The following BICD1 variants were observed in gnomAD, a reference collection of about 807,000 sequenced individuals.
The protein encoded by BICD1 is BICD cargo adaptor 1.
In BICD1, 35 loss-of-function variants were observed where a neutral mutation model predicts 92.5. That is an observed-to-expected ratio of 0.38 (90% CI 0.29 to 0.50). The LOEUF (loss-of-function observed/expected upper bound fraction) is 0.50, where lower values mean the gene tolerates loss of function less well. Ranked by LOEUF, BICD1 falls within the 20% of genes least tolerant of loss-of-function variation. The pLI is 0.93. For missense variants in BICD1, 950 were observed against 1,189.8 expected (o/e 0.80, Z 2.97); for synonymous variants, 429 against 465.1 (o/e 0.92, Z 1.00).
intron 8 of BICD1, among the ~76,000 whole-genome samples, chr12:32,356,640 A>G (rs935993239): frequency 2.6e-5 from 4 of 152,152 alleles, no homozygotes; most frequent in Admixed American, 1.3e-4. Flanking sequence ...CTCAAAAAAA[A>G]AAGAAAGAAG....
intron 4 of BICD1, among the ~76,000 whole-genome samples, chr12:32,312,940 C>A (rs1236168846): frequency 6.6e-6 from 1 of 152,052 alleles, no homozygotes; most frequent in Admixed American, 6.6e-5. Flanking sequence ...CAGTCAAATA[C>A]CTTAATTAGT....
rs943398314 is a variant in BICD1, at chr12:32,332,837, A to C, written c.2101-1679A>C. On this transcript the variant is annotated intron_variant, in intron 5 of 9. Coordinates refer to ENST00000652176, the MANE Select transcript of BICD1 (RefSeq NM_001714.4). ...ATAATATATTCAGGGAATGCTCACA[A>C]AGGCCTATGTGGCTGGAAATAAGAC... 6 of 982,694 alleles carry C rather than the reference A, an allele frequency of 6.1e-6. 1 individual carries two copies. The Admixed American group carries it at 3.1e-4, about 50-fold the overall frequency. 60.9% of individuals were successfully genotyped at this position (982,694 alleles called of 1,614,324 possible).
chr12:32,184,723 G>A (rs1293267500), intron 1 of BICD1, among the ~76,000 whole-genome samples: 2 of 152,172 alleles, frequency 1.3e-5, no homozygotes, highest in African/African-American at 4.8e-5. Flanking sequence ...AAAGGTGGAT[G>A]AATTACAACT....
chr12:32,333,069 C>T (rs1937949469), intron 5 of BICD1: 1 of 984,770 alleles, frequency 1.0e-6, no homozygotes, highest in African/African-American at 1.7e-5. Context: ...TGTTTCAGAT[C>T]TAGCTCTTCT....
intron 1 of BICD1, among the ~76,000 whole-genome samples, chr12:32,174,008 T>C (rs1490749641): frequency 1.3e-5 from 2 of 152,218 alleles, no homozygotes; most frequent in Non-Finnish European, 1.5e-5. Flanking sequence ...CTTGAACATA[T>C]TGTAATCTTG....
At chr12:32,252,019 T>TATATATTTATAATAAAA (rs1946540367) in intron 2 of BICD1, among the ~76,000 whole-genome samples, 1 of 109,588 alleles carries the variant, frequency 9.1e-6, no homozygotes, top group African/African-American at 3.3e-5. Flanking sequence ...TTATAATAAA[T>TATATATTTATAATAAAA]ATCATATATT....
chr12:32,186,931 G>A lies in BICD1; in HGVS notation c.214-29316G>A, dbSNP rs1052919790. ...GAGTGATATAATGGAAAGAACACTGGATTAGGAGCCAGAATATCTGGGTTA... is the reference window on the plus strand; with the variant it reads ...GAGTGATATAATGGAAAGAACACTGAATTAGGAGCCAGAATATCTGGGTTA... On this transcript the variant is annotated intron_variant, in intron 1 of 9. Coordinates refer to ENST00000652176, the MANE Select transcript of BICD1 (RefSeq NM_001714.4). Among the ~76,000 whole-genome samples the A allele has an allele frequency of 2.0e-5, 3 of 152,172 alleles. No homozygotes were observed. The South Asian group carries it at 6.2e-4, about 32-fold the overall frequency.
At chr12:32,258,803 T>C (rs1946782362) in intron 2 of BICD1, among the ~76,000 whole-genome samples, 1 of 152,220 alleles carries the variant, frequency 6.6e-6, no homozygotes, top group South Asian at 2.1e-4. Flanking sequence ...TCTACCACTA[T>C]CTTCTAACAA....
At chr12:32,349,915 T>C (rs1307229524) in intron 8 of BICD1, among the ~76,000 whole-genome samples, 2 of 152,206 alleles carry the variant, frequency 1.3e-5, no homozygotes, top group Admixed American at 6.5e-5. Context: ...CCATTACATA[T>C]CTAAAAGTAT....
chr12:32,221,233 T>A (rs1194245860), intron 2 of BICD1, among the ~76,000 whole-genome samples: 2 of 150,866 alleles, frequency 1.3e-5, no homozygotes, highest in Non-Finnish European at 3.0e-5. Flanking sequence ...CCCTAAAACT[T>A]TAAGTATAAT....
intron 2 of BICD1, among the ~76,000 whole-genome samples, chr12:32,281,578 CT>C (rs1947412562): frequency 6.6e-6 from 1 of 152,082 alleles, no homozygotes. Context: ...TTGTCAGATA[CT>C]TTCCTTAGTG....
At chr12:32,243,688 T>C (rs1159605859) in intron 2 of BICD1, among the ~76,000 whole-genome samples, 2 of 152,162 alleles carry the variant, frequency 1.3e-5, no homozygotes, top group Non-Finnish European at 2.9e-5. Flanking sequence ...GGTTTAGTGT[T>C]CCTGTTTTTA....
chr12:32,192,455 T>TAGAC (rs1944600792), intron 1 of BICD1, among the ~76,000 whole-genome samples: 1 of 107,020 alleles, frequency 9.3e-6, no homozygotes, highest in Admixed American at 9.5e-5. Flanking sequence ...AATAAATAAA[T>TAGAC]AGATAGATAG....
At chr12:32,153,616 C>A (rs959769599) in intron 1 of BICD1, among the ~76,000 whole-genome samples, 1 of 152,002 alleles carries the variant, frequency 6.6e-6, no homozygotes, top group Non-Finnish European at 1.5e-5. Context: ...ACTAGCCAGG[C>A]ATGATGGCGT....
chr12:32,190,937 A>G (rs1944546766), intron 1 of BICD1, among the ~76,000 whole-genome samples: 1 of 152,236 alleles, frequency 6.6e-6, no homozygotes, highest in African/African-American at 2.4e-5. Context: ...AATAACAGGA[A>G]TTATGAAAAA....
chr12:32,325,632 CAT>C (rs2136254292), intron 4 of BICD1, among the ~76,000 whole-genome samples: 1 of 152,288 alleles, frequency 6.6e-6, no homozygotes, highest in East Asian at 1.9e-4. Context: ...TACATATACA[CAT>C]GTGTATCCTA....
At chr12:32,214,491 A>C (rs1033529481) in intron 1 of BICD1, among the ~76,000 whole-genome samples, 3 of 152,170 alleles carry the variant, frequency 2.0e-5, no homozygotes, top group Non-Finnish European at 4.4e-5. Flanking sequence ...TTCCACTTAC[A>C]ATTCAATACC....
intron 1 of BICD1, among the ~76,000 whole-genome samples, chr12:32,168,353 G>T (rs1943832493): frequency 6.6e-6 from 1 of 152,068 alleles, no homozygotes; most frequent in Non-Finnish European, 1.5e-5. Flanking sequence ...CTTGGCTTGG[G>T]TGAGTCATTT....
At chr12:32,166,239 G>C (rs1264610645) in intron 1 of BICD1, among the ~76,000 whole-genome samples, 1 of 151,896 alleles carries the variant, frequency 6.6e-6, no homozygotes. Flanking sequence ...GGGTTCAAGC[G>C]ATTCTCCTGC....
Sources: allele counts gnomAD v4.1 joint callset (sites outside exome capture counted in the v4.1 genomes callset), GRCh38; gene constraint gnomAD v4.1.1; transcripts MANE v1.5; gene names NCBI Gene and HGNC (gene_info 2026-07-23, HGNC 2026-07-21).